Variants in PVT1 observed in about 807,000 individuals in gnomAD.
PVT1 encodes CXCR4/PVT1 fusion.
At chr8:128,029,629 G>A (rs368601546) in intron 4 of PVT1, among the ~76,000 whole-genome samples, 15 of 152,206 alleles carry the variant, frequency 9.9e-5, no homozygotes, top group East Asian at 1.9e-4. Context: ...GTGAAACACC[G>A]TCTTTACTAA....
Position 127,834,487 on chromosome 8 carries a change from C to A in PVT1, n.372+38416C>A, listed in dbSNP as rs150433840. Among the ~76,000 whole-genome samples the A allele has an allele frequency of 7.2e-3, 1,099 of 152,178 alleles. 20 individuals are homozygous for A. The highest frequency in any genetic ancestry group is 0.025 in the African/African-American group (1,033 of 41,528). On this transcript the variant is annotated intron_variant and non_coding_transcript_variant, in intron 2 of 10. Coordinates refer to ENST00000651587, the Ensembl canonical transcript of PVT1. ...AAACCCTAGATGAAAACCTAGGCAA[C>A]ACCATTCAGGACATAGGCATGGGCA...
rs1202727973 is a variant in PVT1, at chr8:127,984,994, T to TTTCCTTCCTTCCTTCC, written n.783-4141_783-4126dup. On this transcript the variant is annotated intron_variant and non_coding_transcript_variant, in intron 3 of 10. Transcript: ENST00000651587. ...TCCTTCCTTCCTTTCTTTCTTTCTC[T>TTTCCTTCCTTCCTTCC]TTCCTTCCTTCCTTCCTTCCTTCCT... 1.8e-4 allele frequency among the ~76,000 whole-genome samples: 12 copies of TTTCCTTCCTTCCTTCC among 67,134 alleles called. 1 individual carries two copies. The highest frequency in any genetic ancestry group is 6.2e-4 in the African/African-American group (10 of 16,038). The allele number at this position is 67,134 out of a possible 152,430, so 44.0% of individuals were successfully genotyped here. A position where few individuals can be genotyped will look rare whatever the true frequency, so the allele number is the denominator to read the frequency against.
At chr8:128,016,000 A>G (rs181303253) in intron 4 of PVT1, among the ~76,000 whole-genome samples, 35 of 152,204 alleles carry the variant, frequency 2.3e-4, no homozygotes, top group Admixed American at 2.0e-3. Flanking sequence ...TGCCAGGGAT[A>G]AGTTCTAGAC....
intron 5 of PVT1, among the ~76,000 whole-genome samples, chr8:128,083,804 G>T (rs1042589950): frequency 6.6e-6 from 1 of 152,186 alleles, no homozygotes. Flanking sequence ...GTGTTTGAGG[G>T]AACTGGTGTA....
At chr8:127,918,536 T>C (rs1346335645) in intron 3 of PVT1, among the ~76,000 whole-genome samples, 1 of 152,214 alleles carries the variant, frequency 6.6e-6, no homozygotes, top group African/African-American at 2.4e-5. Flanking sequence ...GTCTCATTGA[T>C]AAACTGAAGC....
At chr8:127,990,559 T>A (rs761645935) in intron 4 of PVT1, among the ~76,000 whole-genome samples, 17 of 152,212 alleles carry the variant, frequency 1.1e-4, no homozygotes, top group Non-Finnish European at 1.9e-4. Flanking sequence ...ATTCCTATCA[T>A]GAATTTGAAA....
chr8:127,851,133 G>A (rs369704802), intron 2 of PVT1, among the ~76,000 whole-genome samples: 3 of 152,228 alleles, frequency 2.0e-5, no homozygotes, highest in South Asian at 4.2e-4. Context: ...ATAAAACTGG[G>A]GATGAAGGAA....
At chr8:127,827,490 C>T (rs1274696898) in intron 2 of PVT1, among the ~76,000 whole-genome samples, 1 of 152,190 alleles carries the variant, frequency 6.6e-6, no homozygotes, top group Non-Finnish European at 1.5e-5. Context: ...AGCCCTGAGG[C>T]TGGAGTTTTT....
chr8:128,095,906 G>A (rs1478256342), intron 5 of PVT1, among the ~76,000 whole-genome samples: 1 of 152,218 alleles, frequency 6.6e-6, no homozygotes, highest in Non-Finnish European at 1.5e-5. Flanking sequence ...CATGGTCAGA[G>A]CTGGCTTCTC....
chr8:127,884,619 T>G (rs1340613852), intron 2 of PVT1, among the ~76,000 whole-genome samples: 2 of 152,238 alleles, frequency 1.3e-5, no homozygotes, highest in Non-Finnish European at 2.9e-5. Flanking sequence ...CAGTTCCACA[T>G]CAAAGCCAAT....
At chr8:128,059,693 G>C (rs997649222) in intron 4 of PVT1, among the ~76,000 whole-genome samples, 2 of 152,186 alleles carry the variant, frequency 1.3e-5, no homozygotes, top group Non-Finnish European at 2.9e-5. Flanking sequence ...GGAAGAGTTT[G>C]CTGACCCCTG....
intron 5 of PVT1, among the ~76,000 whole-genome samples, chr8:128,070,995 T>C (rs1796043602): frequency 6.6e-6 from 1 of 152,224 alleles, no homozygotes; most frequent in African/African-American, 2.4e-5. Context: ...GCCTCTTCTA[T>C]ATAAGGGATC....
At chr8:127,926,351 G>A (rs1278184177) in intron 3 of PVT1, among the ~76,000 whole-genome samples, 2 of 152,160 alleles carry the variant, frequency 1.3e-5, no homozygotes, top group African/African-American at 2.4e-5. Context: ...CCCCCTCCCT[G>A]GACCGGTACA....
upstream of PVT1, chr8:127,794,528 C>T (rs1264661351): frequency 1.3e-5 from 2 of 151,194 alleles, no homozygotes; most frequent in African/African-American, 4.8e-5. Flanking sequence ...GCCAGCCCCG[C>T]GCTCCTCCGG....
chr8:128,087,999 T>G (rs1814280742), intron 5 of PVT1, among the ~76,000 whole-genome samples: 1 of 152,116 alleles, frequency 6.6e-6, no homozygotes, highest in Non-Finnish European at 1.5e-5. Context: ...CCTCAAGTGA[T>G]CTGCCCACCT....
chr8:128,086,761 G>A (rs181721297), intron 5 of PVT1, among the ~76,000 whole-genome samples: 1 of 152,344 alleles, frequency 6.6e-6, no homozygotes, highest in East Asian at 1.9e-4. Context: ...AAATGGAACA[G>A]CTTAACTCCT....
chr8:127,983,554 T>C (rs1171504219), intron 3 of PVT1, among the ~76,000 whole-genome samples: 1 of 152,154 alleles, frequency 6.6e-6, no homozygotes, highest in African/African-American at 2.4e-5. Context: ...ACCCAGATCA[T>C]CAGTTGTTAA....
intron 3 of PVT1, among the ~76,000 whole-genome samples, chr8:127,909,388 CGAGA>C (rs949421015): frequency 7.2e-5 from 11 of 152,026 alleles, no homozygotes; most frequent in Admixed American, 5.2e-4. Flanking sequence ...TGATGCATCT[CGAGA>C]GAGAGAGGGC....
At chr8:127,882,470 A>G (rs996850480) in intron 2 of PVT1, among the ~76,000 whole-genome samples, 1 of 151,902 alleles carries the variant, frequency 6.6e-6, no homozygotes, top group African/African-American at 2.4e-5. Context: ...TCTTTTTGGC[A>G]TCAGTTTTGA....
Sources: allele counts gnomAD v4.1 joint callset (sites outside exome capture counted in the v4.1 genomes callset), GRCh38; gene constraint gnomAD v4.1.1; transcripts MANE v1.5; gene names NCBI Gene and HGNC (gene_info 2026-07-23, HGNC 2026-07-21).